The following DEPDC5 variants were observed in gnomAD, a reference collection of about 807,000 sequenced individuals.
The protein encoded by DEPDC5 is DEP domain containing 5, GATOR1 subcomplex subunit.
In DEPDC5, 73 loss-of-function variants were observed where a neutral mutation model predicts 217.3. That is an observed-to-expected ratio of 0.34 (90% CI 0.28 to 0.41). The LOEUF (loss-of-function observed/expected upper bound fraction) is 0.41, where lower values mean the gene tolerates loss of function less well. Among genes scored for constraint, DEPDC5 ranks in the 10% least tolerant of loss-of-function variants. The pLI, the probability that DEPDC5 is intolerant of heterozygous loss-of-function variation, is 1.00. For missense variants in DEPDC5, 1,675 were observed against 2,070.1 expected (o/e 0.81, Z 3.70); for synonymous variants, 733 against 756.7 (o/e 0.97, Z 0.51).
chr22:31,823,749 A>G (rs943388514), intron 24 of DEPDC5, among the ~76,000 whole-genome samples: 1 of 152,154 alleles, frequency 6.6e-6, no homozygotes, highest in African/African-American at 2.4e-5. Flanking sequence ...TATTTAAGTT[A>G]TTAAATATAT....
intron 8 of DEPDC5, 118 bp downstream of exon 8, chr22:31,778,286 C>A: frequency 9.8e-7 from 1 of 1,024,086 alleles, no homozygotes; most frequent in South Asian, 1.4e-5. Flanking sequence ...TTGCTTTATC[C>A]CAGGAGTTCA....
At chr22:31,825,164 C>T (rs907532857) in intron 24 of DEPDC5, among the ~76,000 whole-genome samples, 1 of 152,072 alleles carries the variant, frequency 6.6e-6, no homozygotes, top group African/African-American at 2.4e-5. Context: ...TTAACTGAAG[C>T]AGGGGGAATT....
chr22:31,804,864 G>T lies in DEPDC5; in HGVS notation c.1166G>T (p.Arg389Leu). The T allele has an allele frequency of 2.5e-6, 4 of 1,613,842 alleles. No individual in the cohort carries two copies. Among genetic ancestry groups the T allele is most frequent in the Non-Finnish European group, 3.4e-6 (4 of 1,179,834 alleles). ...LFKLHNRSAP[R>L]DSRLGDDYNI... The stretch of plus-strand genomic sequence containing the variant: ...CAGCTCCATAATCGGAGTGCTCCCC[G>T]TGATTCTCGTCTGGGCGATGACTAT... Residue 389 changes from arginine (R) to leucine (L), a missense_variant, in exon 17 of 43, where the codon CGT (arginine) becomes CTT (leucine). Physicochemically the swap from Arg to Leu is moderately radical, Grantham distance 102 (BLOSUM62 -2). Coordinates refer to ENST00000651528, the MANE Select transcript of DEPDC5 (RefSeq NM_001242896.3).
chr22:31,798,529 A>C, intron 13 of DEPDC5, 53 bp from the exon 14 acceptor site: 1 of 1,535,224 alleles, frequency 6.5e-7, no homozygotes, highest in Non-Finnish European at 8.9e-7. Context: ...AATTAAAAAA[A>C]AAAGTTCATG....
At chr22:31,759,544 T>G (rs892129671) in intron 3 of DEPDC5, among the ~76,000 whole-genome samples, 8 of 151,844 alleles carry the variant, frequency 5.3e-5, no homozygotes, top group African/African-American at 1.9e-4. Context: ...TGGCTAATTT[T>G]TGTATTTTTA....
chr22:31,762,117 A>G (rs1350036904), intron 4 of DEPDC5, among the ~76,000 whole-genome samples: 2 of 152,096 alleles, frequency 1.3e-5, no homozygotes, highest in African/African-American at 2.4e-5. Flanking sequence ...TTTTTTCACA[A>G]ACTATTTGTT....
chr22:31,798,223 G>T, intron 13 of DEPDC5, among the ~76,000 whole-genome samples: 1 of 152,032 alleles, frequency 6.6e-6, no homozygotes, highest in Non-Finnish European at 1.5e-5. Flanking sequence ...ATGCTCAGCT[G>T]CCACTTATTT....
rs188348792 is a variant in DEPDC5 at position 31,819,885 on chromosome 22, G to A, written c.1870+660G>A. On this transcript the variant is annotated intron_variant, in intron 22 of 42. Transcript: ENST00000651528. Reference sequence around the variant, plus strand: ...TAGATCTCTTGGATATTGATATCCTGTCTTGGTTACAAGGAGTTATGTTGT... The same window carrying A: ...TAGATCTCTTGGATATTGATATCCTATCTTGGTTACAAGGAGTTATGTTGT... Among the ~76,000 whole-genome samples the A allele has an allele frequency of 3.6e-3, 546 of 152,142 alleles. 2 individuals carry two copies. The highest frequency in any genetic ancestry group is 0.012 in the African/African-American group (509 of 41,486).
chr22:31,813,599 A>G (rs766148088), intron 20 of DEPDC5, among the ~76,000 whole-genome samples: 3 of 152,028 alleles, frequency 2.0e-5, no homozygotes, highest in African/African-American at 4.8e-5. Flanking sequence ...TTGCTTCTCT[A>G]TAGGGCTTCT....
At position 31,874,295 on chromosome 22, in the gene DEPDC5, G is replaced by C; in HGVS notation, c.3586G>C (p.Glu1196Gln). ...HPSTGVQLLS[E>Q]QKGLSPYCFI... ...CAGGACAGGAGTCCAGCTGCTCTCT[G>C]AACAGAAGGGCCTCTCACCGTACTG... The change falls in exon 36 of 43, where the codon GAA becomes CAA. Residue 1196 changes from glutamate (E) to glutamine (Q), a missense_variant. Physicochemically the swap from Glu to Gln is conservative, Grantham distance 29. Around this residue, in one of 11 missense-constraint regions of DEPDC5, gnomAD observed 194 missense variants for 199.3 expected, o/e 0.97. Transcript: ENST00000651528. 1 of 1,607,600 alleles carries C rather than the reference G, an allele frequency of 6.2e-7. No homozygotes were observed. Among genetic ancestry groups the C allele is most frequent in the Non-Finnish European group, 8.5e-7 (1 of 1,176,916 alleles).
Position 31,884,898 on chromosome 22 carries a change from T to G in DEPDC5, c.4033+5146T>G, listed in dbSNP as rs74448509. Among the ~76,000 whole-genome samples, 1,278 of 152,342 alleles carry G rather than the reference T, an allele frequency of 8.4e-3. 30 individuals carry two copies. In the East Asian group the frequency reaches 0.1, roughly 12 times the overall value. The stretch of plus-strand genomic sequence containing the variant: ...AAAATTCAGTTGCCTTCTCATGTCT[T>G]TCTTTCCTGCTCTACATCCAGCCCA... On this transcript the variant is annotated intron_variant, in intron 38 of 42. Coordinates refer to ENST00000651528, the MANE Select transcript of DEPDC5 (RefSeq NM_001242896.3).
chr22:31,815,718 G>A (rs2089018148), intron 21 of DEPDC5: 1 of 744,800 alleles, frequency 1.3e-6, no homozygotes. Context: ...TTTTTTTGTA[G>A]AGGTGGGGTT....
intron 27 of DEPDC5, among the ~76,000 whole-genome samples, chr22:31,840,497 C>A (rs945121156): frequency 6.6e-6 from 1 of 152,188 alleles, no homozygotes; most frequent in African/African-American, 2.4e-5. Context: ...GATGAATTCA[C>A]CTTTCATGTC....
rs2088875775 is a variant in DEPDC5, at chr22:31,814,817, A to T, written c.1446-175A>T. The T allele has an allele frequency of 6.4e-6, 4 of 626,244 alleles. No homozygotes were observed. The Admixed American group carries it at 8.6e-5, about 13-fold the overall frequency. 38.8% of individuals were successfully genotyped at this position (626,244 alleles called of 1,614,324 possible). A position where few individuals can be genotyped will look rare whatever the true frequency, so the allele number is the denominator to read the frequency against. The stretch of plus-strand genomic sequence containing the variant: ...TGTCATTTCCCCCCTCTCTTATATA[A>T]CATCTCAAGCTGTTAAGGGTGAAGT... On this transcript the variant is annotated intron_variant, in intron 20 of 42. Transcript: ENST00000651528.
In DEPDC5 at chr22:31,830,890, A is replaced by G. The variant is rs1044466055; in HGVS notation, c.2105-3025A>G. Among the ~76,000 whole-genome samples, 9 of 152,216 alleles carry G rather than the reference A, an allele frequency of 5.9e-5. 1 individual carries two copies. The highest frequency in any genetic ancestry group is 2.2e-4 in the African/African-American group (9 of 41,536). On this transcript the variant is annotated intron_variant, in intron 24 of 42. Transcript: ENST00000651528. ...AGCAAACTTGGCAGCCAAACCTGGG[A>G]GGTGATATGGTAACAATTCTGTTAT... is the stretch of plus-strand genomic sequence containing the variant.
At chr22:31,901,665 G>A in intron 40 of DEPDC5, 77 bp from the exon 41 acceptor site, 1 of 1,283,100 alleles carries the variant, frequency 7.8e-7, no homozygotes, top group Non-Finnish European at 1.1e-6. Flanking sequence ...GAGTAGTAAA[G>A]GGTACAGAAG....
At chr22:31,861,085 C>A (rs2092491876) in intron 32 of DEPDC5, among the ~76,000 whole-genome samples, 1 of 151,836 alleles carries the variant, frequency 6.6e-6, no homozygotes, top group Non-Finnish European at 1.5e-5. Context: ...TTCTCCCACA[C>A]AGATGGGATA....
intron 8 of DEPDC5, among the ~76,000 whole-genome samples, chr22:31,780,209 A>C (rs2084282982): frequency 6.6e-6 from 1 of 152,110 alleles, no homozygotes; most frequent in South Asian, 2.1e-4. Flanking sequence ...CTAAGGTGAG[A>C]GCTATAACAA....
chr22:31,760,934 T>C (rs1286774272), intron 4 of DEPDC5, among the ~76,000 whole-genome samples: 3 of 152,134 alleles, frequency 2.0e-5, no homozygotes, highest in African/African-American at 7.2e-5. Flanking sequence ...ACCTTGTATC[T>C]GACAGAACAG....
Sources: gnomAD v4.1 joint callset for allele counts (sites outside exome capture counted in the v4.1 genomes callset) on GRCh38, gnomAD v4.1.1 for gene constraint, gnomAD v4.1.1 regional missense constraint, MANE v1.5 for transcripts, NCBI Gene and HGNC (gene_info 2026-07-23, HGNC 2026-07-21) for gene names.